ARHGAP18: variants seen among roughly 807,000 people sequenced by gnomAD.
ARHGAP18 encodes Rho GTPase activating protein 18, also known as rho GTPase-activating protein 18.
A neutral mutation model predicts 86.2 loss-of-function variants in ARHGAP18; 67 were observed. That is an observed-to-expected ratio of 0.78 (90% CI 0.64 to 0.95). ARHGAP18 has a LOEUF of 0.95. ARHGAP18 is among the 40% of genes least tolerant of loss of function. ARHGAP18 has a pLI of 0.00. For synonymous variants in ARHGAP18, 283 were observed against 280.4 expected, an observed-to-expected ratio of 1.01 and a Z score of -0.09; for missense variants, 691 against 780.4, an observed-to-expected ratio of 0.89 and a Z score of 1.37.
At chr6:129,579,481 A>AG (rs542089007) in intron 14 of ARHGAP18, among the ~76,000 whole-genome samples, 60 of 152,144 alleles carry the variant, frequency 3.9e-4, no homozygotes, top group Admixed American at 1.4e-3. Flanking sequence ...ACCATTTCCA[A>AG]GAGTCAAAAA....
chr6:129,664,365 T>C (rs1774003941), intron 1 of ARHGAP18, among the ~76,000 whole-genome samples: 1 of 152,186 alleles, frequency 6.6e-6, no homozygotes, highest in Admixed American at 6.5e-5. Context: ...GGATCATGGT[T>C]ATTTCCTCAT....
At chr6:129,683,867 G>T (rs376321118) in intron 1 of ARHGAP18, among the ~76,000 whole-genome samples, 2 of 152,106 alleles carry the variant, frequency 1.3e-5, no homozygotes, top group Non-Finnish European at 2.9e-5. Flanking sequence ...TAACCACGGC[G>T]GGGGGGAGTT....
At chr6:129,706,885 C>CAAAAA (rs34099358) in intron 1 of ARHGAP18, among the ~76,000 whole-genome samples, 9 of 61,038 alleles carry the variant, frequency 1.5e-4, no homozygotes, top group African/African-American at 4.0e-4. Flanking sequence ...GACTCTGTCT[C>CAAAAA]AAAAAAAAAA....
At chr6:129,594,183 A>G (rs549671750) in intron 12 of ARHGAP18, among the ~76,000 whole-genome samples, 1 of 152,270 alleles carries the variant, frequency 6.6e-6, no homozygotes, top group African/African-American at 2.4e-5. Context: ...ATCCCTGGCA[A>G]TCTAGCTTTT....
chr6:129,618,929 T>C (rs1221870550), intron 5 of ARHGAP18, 77 bp from the exon 6 acceptor site: 3 of 1,293,578 alleles, frequency 2.3e-6, no homozygotes, highest in Non-Finnish European at 3.2e-6. Flanking sequence ...AAAAACCAAC[T>C]ACAGAAAGAA....
chr6:129,634,187 CT>C, intron 3 of ARHGAP18, 82 bp from the exon 4 acceptor site: 1 of 1,197,610 alleles, frequency 8.3e-7, no homozygotes, highest in Non-Finnish European at 1.2e-6. Context: ...TGTTATTAAT[CT>C]TTAGAGTACA....
At chr6:129,651,790 G>A (rs372737471) in intron 1 of ARHGAP18, among the ~76,000 whole-genome samples, 22 of 152,264 alleles carry the variant, frequency 1.4e-4, no homozygotes, top group Middle Eastern at 3.4e-3. Context: ...ATAATTTGAG[G>A]TTAACATCTA....
At chr6:129,620,340 T>C (rs1323346300) in intron 5 of ARHGAP18, among the ~76,000 whole-genome samples, 1 of 152,234 alleles carries the variant, frequency 6.6e-6, no homozygotes, top group African/African-American at 2.4e-5. Flanking sequence ...TTTTGGAACA[T>C]TTAGGATTTT....
At chr6:129,691,557 A>G (rs1198622564) in intron 1 of ARHGAP18, among the ~76,000 whole-genome samples, 1 of 152,158 alleles carries the variant, frequency 6.6e-6, no homozygotes, top group Admixed American at 6.5e-5. Flanking sequence ...CTTACTGGCC[A>G]AGGGTTCACA....
chr6:129,684,217 A>C (rs991263871), intron 1 of ARHGAP18, among the ~76,000 whole-genome samples: 1 of 152,248 alleles, frequency 6.6e-6, no homozygotes, highest in Non-Finnish European at 1.5e-5. Flanking sequence ...ATAGCTAAGA[A>C]ACACTATAAA....
chr6:129,650,825 T>C (rs969831179), intron 1 of ARHGAP18, among the ~76,000 whole-genome samples: 1 of 152,184 alleles, frequency 6.6e-6, no homozygotes, highest in Non-Finnish European at 1.5e-5. Flanking sequence ...ACTTGGAGCA[T>C]AGGCTCTCCA....
chr6:129,638,786 G>A (rs1773387350), intron 2 of ARHGAP18, among the ~76,000 whole-genome samples, 157 bp from the exon 3 acceptor site: 1 of 152,124 alleles, frequency 6.6e-6, no homozygotes, highest in Non-Finnish European at 1.5e-5. Context: ...ATACACTCCA[G>A]CCACAATGAC....
chr6:129,668,246 A>G (rs927895623), intron 1 of ARHGAP18, among the ~76,000 whole-genome samples: 5 of 152,002 alleles, frequency 3.3e-5, no homozygotes, highest in Non-Finnish European at 5.9e-5. Flanking sequence ...TTCTGGCCAT[A>G]TTTATTTCAG....
chr6:129,615,145 T>C (rs1789068381), intron 7 of ARHGAP18, among the ~76,000 whole-genome samples: 1 of 152,222 alleles, frequency 6.6e-6, no homozygotes, highest in Admixed American at 6.5e-5. Flanking sequence ...CTGAGATCCC[T>C]GCTTTGTATA....
intron 12 of ARHGAP18, among the ~76,000 whole-genome samples, chr6:129,594,471 T>C (rs938716239): frequency 2.6e-5 from 4 of 152,174 alleles, no homozygotes; most frequent in African/African-American, 9.7e-5. Context: ...TCTCTTTGTC[T>C]CTTTATTTTC....
At chr6:129,616,715 A>G (rs1024491208) in intron 6 of ARHGAP18, among the ~76,000 whole-genome samples, 1 of 152,202 alleles carries the variant, frequency 6.6e-6, no homozygotes, top group South Asian at 2.1e-4. Flanking sequence ...TGGGAAGCCA[A>G]GGTGGGAGGA....
chr6:129,683,452 C>T (rs553890848), intron 1 of ARHGAP18, among the ~76,000 whole-genome samples: 36 of 152,160 alleles, frequency 2.4e-4, no homozygotes, highest in Non-Finnish European at 4.7e-4. Flanking sequence ...GGCTTTTTTT[C>T]CCGTAGAAAT....
chr6:129,623,899 A>G (rs919525714), intron 5 of ARHGAP18, among the ~76,000 whole-genome samples: 7 of 152,240 alleles, frequency 4.6e-5, no homozygotes, highest in African/African-American at 1.7e-4. Flanking sequence ...AAGACTGAAC[A>G]GGAAAACTGA....
chr6:129,703,958 T>C (rs961107062), intron 1 of ARHGAP18, among the ~76,000 whole-genome samples: 1 of 148,892 alleles, frequency 6.7e-6, no homozygotes, highest in African/African-American at 2.5e-5. Flanking sequence ...TTACCATCCC[T>C]TTTTTTCAAC....
Sources: gnomAD v4.1 joint callset for allele counts (sites outside exome capture counted in the v4.1 genomes callset) on GRCh38, gnomAD v4.1.1 for gene constraint, MANE v1.5 for transcripts, NCBI Gene and HGNC (gene_info 2026-07-23, HGNC 2026-07-21) for gene names.